The following FAM107B variants were observed in gnomAD, a reference collection of about 807,000 sequenced individuals.
The protein encoded by FAM107B is family with sequence similarity 107 member B, also known as protein FAM107B.
FAM107B carries 21 observed loss-of-function variants against 31.5 expected under a neutral mutation model. The observed-to-expected ratio is 0.67, with a 90% confidence interval of 0.47 to 0.96. The LOEUF (loss-of-function observed/expected upper bound fraction) is 0.96. Among genes scored for constraint, FAM107B ranks in the 40% least tolerant of loss-of-function variants. FAM107B has a pLI of 0.00. For synonymous variants in FAM107B, 157 were observed against 141.5 expected (o/e 1.11, Z -0.78); for missense variants, 452 against 377.1 (o/e 1.20, Z -1.64).
chr10:14,519,666 T>C lies in FAM107B; in HGVS notation c.*1524A>G, dbSNP rs879930230. 2 of 152,342 alleles carry C rather than the reference T, an allele frequency of 1.3e-5. No homozygotes were observed. Among genetic ancestry groups the C allele is most frequent in the African/African-American group, 2.4e-5 (1 of 41,584 alleles). 9.4% of individuals were successfully genotyped at this position (152,342 alleles called of 1,614,324 possible). On this transcript the variant is annotated 3_prime_UTR_variant, in exon 5 of 5. Transcript: ENST00000181796. ...CCATTCAGATTGAATATGGGCCTAA[T>C]TGTCAACTGCTAACACTAAAGCATT... is the stretch of plus-strand genomic sequence containing the variant.
chr10:14,574,533 C>G (rs1394459953), intron 2 of FAM107B, among the ~76,000 whole-genome samples: 4 of 152,210 alleles, frequency 2.6e-5, no homozygotes, highest in Non-Finnish European at 4.4e-5. Context: ...CTGATCACAA[C>G]TGTCCACCTC....
At chr10:14,657,972 G>A (rs576756090) in intron 2 of FAM107B, among the ~76,000 whole-genome samples, 3 of 151,842 alleles carry the variant, frequency 2.0e-5, no homozygotes, top group Admixed American at 1.3e-4. Flanking sequence ...CACCACACCC[G>A]GCTAATGTTT....
At chr10:14,714,955 C>G (rs1361394368) in intron 1 of FAM107B, among the ~76,000 whole-genome samples, 1 of 152,084 alleles carries the variant, frequency 6.6e-6, no homozygotes, top group Non-Finnish European at 1.5e-5. Flanking sequence ...CAGCAAGAGA[C>G]CACCAAATAT....
chr10:14,730,966 G>A (rs763691733), intron 1 of FAM107B, among the ~76,000 whole-genome samples: 2 of 152,058 alleles, frequency 1.3e-5, no homozygotes, highest in Admixed American at 6.6e-5. Flanking sequence ...GATCAAAGCC[G>A]ACTAAGTGGT....
rs1395597581 is a variant in FAM107B at position 14,661,239 on chromosome 10, A to ATT, written c.469+6393_469+6394dup. Among the ~76,000 whole-genome samples the ATT allele has an allele frequency of 2.0e-5, 3 of 152,220 alleles. No homozygotes were observed. The East Asian group carries it at 5.8e-4, about 29-fold the overall frequency. On this transcript the variant is annotated intron_variant, in intron 2 of 4. Transcript: ENST00000181796. ...TTTACAGCAATGCAAGAACGGACTA[A>ATT]TTTACCAGAAAAGTGTGATGGTTGA...
At chr10:14,623,680 G>T (rs535999270) in intron 2 of FAM107B, among the ~76,000 whole-genome samples, 1 of 152,128 alleles carries the variant, frequency 6.6e-6, no homozygotes, top group African/African-American at 2.4e-5. Flanking sequence ...ATAAAAATTA[G>T]CTGGGCGTGG....
intron 1 of FAM107B, among the ~76,000 whole-genome samples, chr10:14,703,892 G>A (rs1271253521): frequency 1.3e-5 from 2 of 152,136 alleles, no homozygotes; most frequent in Non-Finnish European, 1.5e-5. Flanking sequence ...GTTCTGCAGC[G>A]ACTGAAGGGC....
At chr10:14,767,083 G>GAGAGAGAGAGAGAGAGAC (rs57125501) in intron 1 of FAM107B, among the ~76,000 whole-genome samples, 1 of 106,446 alleles carries the variant, frequency 9.4e-6, no homozygotes, top group Non-Finnish European at 1.8e-5. Flanking sequence ...GAGAGAGAGA[G>GAGAGAGAGAGAGAGAGAC]AGAGAGAGAG....
chr10:14,522,050 C>T (rs200211953), intron 3 of FAM107B, 31 bp from the exon 4 acceptor site: 178 of 1,586,298 alleles, frequency 1.1e-4, no homozygotes, highest in East Asian at 2.7e-4. Context: ...AAATAGAAAA[C>T]GTTAATCTAA....
intron 2 of FAM107B, chr10:14,572,433 G>A (rs1167144771): frequency 2.0e-6 from 2 of 983,762 alleles, no homozygotes; most frequent in East Asian, 1.1e-4. Flanking sequence ...GCACTTCTTA[G>A]AGCATCACCA....
intron 2 of FAM107B, among the ~76,000 whole-genome samples, chr10:14,645,587 G>A (rs545086454): frequency 1.3e-5 from 2 of 152,292 alleles, no homozygotes; most frequent in Admixed American, 1.3e-4. Flanking sequence ...AGCTTGTAGG[G>A]GGATGTGGCT....
At chr10:14,707,427 A>C (rs1402894748) in intron 1 of FAM107B, among the ~76,000 whole-genome samples, 1 of 152,094 alleles carries the variant, frequency 6.6e-6, no homozygotes, top group Non-Finnish European at 1.5e-5. Flanking sequence ...TTGCGTTCCC[A>C]GGTATCTCCC....
At chr10:14,740,468 G>T (rs182003191) in intron 1 of FAM107B, among the ~76,000 whole-genome samples, 33 of 152,318 alleles carry the variant, frequency 2.2e-4, no homozygotes, top group Non-Finnish European at 3.8e-4. Flanking sequence ...GGAGACATAG[G>T]TGGAGAACAG....
chr10:14,770,672 C>T (rs2131600447), intron 1 of FAM107B, among the ~76,000 whole-genome samples: 1 of 152,244 alleles, frequency 6.6e-6, no homozygotes, highest in Non-Finnish European at 1.5e-5. Context: ...AATTATAAGA[C>T]ACATTCCCAT....
intron 2 of FAM107B, among the ~76,000 whole-genome samples, chr10:14,622,731 G>A (rs1055433354): frequency 6.6e-6 from 1 of 152,192 alleles, no homozygotes; most frequent in African/African-American, 2.4e-5. Flanking sequence ...AATCAGAACA[G>A]GAAATTACAG....
At chr10:14,554,832 A>C (rs1413967730) in intron 2 of FAM107B, among the ~76,000 whole-genome samples, 2 of 152,248 alleles carry the variant, frequency 1.3e-5, no homozygotes, top group Non-Finnish European at 2.9e-5. Context: ...TGGGTGGTCA[A>C]TGAAGTTCAC....
chr10:14,626,856 A>G (rs79008217), intron 2 of FAM107B, among the ~76,000 whole-genome samples: 17,729 of 152,152 alleles, frequency 0.12, 1,308 homozygotes, highest in Admixed American at 0.26. Flanking sequence ...AAAAAGTACT[A>G]TGGAGCACAT....
At chr10:14,771,716 T>C (rs557118703) in intron 1 of FAM107B, among the ~76,000 whole-genome samples, 2 of 152,334 alleles carry the variant, frequency 1.3e-5, no homozygotes, top group Admixed American at 1.3e-4. Context: ...GAACCTTCGT[T>C]ATGTTGCCCA....
intron 1 of FAM107B, among the ~76,000 whole-genome samples, chr10:14,680,813 A>C (rs1490159871): frequency 1.3e-5 from 2 of 152,176 alleles, no homozygotes; most frequent in African/African-American, 4.8e-5. Flanking sequence ...TGAAGCCTTC[A>C]TCAAGACTTC....
Sources: allele counts gnomAD v4.1 joint callset (sites outside exome capture counted in the v4.1 genomes callset), GRCh38; gene constraint gnomAD v4.1.1; transcripts MANE v1.5; gene names NCBI Gene and HGNC (gene_info 2026-07-23, HGNC 2026-07-21).